The following ZMIZ1 variants were observed in gnomAD, a reference collection of about 807,000 sequenced individuals.
ZMIZ1 encodes the protein zinc finger MIZ-type containing 1.
ZMIZ1 carries 17 observed loss-of-function variants against 113.9 expected under a neutral mutation model. The ratio of observed to expected loss-of-function variants is 0.15; its 90% CI spans 0.10 to 0.22. The LOEUF is 0.22. Among genes scored for constraint, ZMIZ1 ranks in the 10% least tolerant of loss-of-function variants. The probability of loss-of-function intolerance (pLI) is 1.00; values close to 1 mark genes in which losing one functional copy is unlikely to be tolerated. For synonymous variants in ZMIZ1, 607 were observed against 603.1 expected (o/e 1.01, Z -0.09); for missense variants, 1,059 against 1,477.8 (o/e 0.72, Z 4.65).
chr10:79,257,745 G>T (rs1306145216), intron 7 of ZMIZ1, among the ~76,000 whole-genome samples: 2 of 152,220 alleles, frequency 1.3e-5, no homozygotes, highest in African/African-American at 4.8e-5. Flanking sequence ...GTGGAAAGAC[G>T]GGGTTCCAAG....
chr10:79,261,825 C>G (rs1469180973), intron 7 of ZMIZ1, among the ~76,000 whole-genome samples: 1 of 152,144 alleles, frequency 6.6e-6, no homozygotes, highest in Non-Finnish European at 1.5e-5. Flanking sequence ...TTTAGAGCAC[C>G]GAGGTGAGAT....
At chr10:79,252,935 A>G (rs1035847744) in intron 7 of ZMIZ1, among the ~76,000 whole-genome samples, 11 of 152,240 alleles carry the variant, frequency 7.2e-5, no homozygotes, top group African/African-American at 2.7e-4. Flanking sequence ...CAGATAGGCA[A>G]CATATACATG....
chr10:79,159,015 G>A (rs1846006118), intron 3 of ZMIZ1, among the ~76,000 whole-genome samples: 1 of 152,206 alleles, frequency 6.6e-6, no homozygotes, highest in African/African-American at 2.4e-5. Flanking sequence ...CTGCCGTGTG[G>A]TCAGGGTCTC....
At chr10:79,290,555 GC>G (rs371258525) in intron 9 of ZMIZ1, among the ~76,000 whole-genome samples, 53 of 152,298 alleles carry the variant, frequency 3.5e-4, no homozygotes, top group African/African-American at 1.3e-3. Flanking sequence ...GGGCCTTGGG[GC>G]CCCTGTGTGA....
At chr10:79,110,299 C>T (rs980762527) in intron 1 of ZMIZ1, among the ~76,000 whole-genome samples, 1 of 152,200 alleles carries the variant, frequency 6.6e-6, no homozygotes, top group East Asian at 1.9e-4. Flanking sequence ...CTCAAATCAG[C>T]GGTATTTGTT....
chr10:79,171,453 C>A (rs1846596577), intron 4 of ZMIZ1, among the ~76,000 whole-genome samples: 1 of 152,222 alleles, frequency 6.6e-6, no homozygotes, highest in Admixed American at 6.5e-5. Context: ...CACCTTCAGG[C>A]CTCTGCGCAA....
At chr10:79,206,106 C>CAAA (rs79155220) in intron 5 of ZMIZ1, among the ~76,000 whole-genome samples, 2 of 95,110 alleles carry the variant, frequency 2.1e-5, no homozygotes, top group African/African-American at 4.0e-5. Context: ...AGACCCTGTC[C>CAAA]AAAAAAAAAA....
chr10:79,254,428 G>A (rs1850747558), intron 7 of ZMIZ1, among the ~76,000 whole-genome samples: 1 of 152,262 alleles, frequency 6.6e-6, no homozygotes, highest in African/African-American at 2.4e-5. Flanking sequence ...GTTTAGGGAA[G>A]CCCCATAAGC....
chr10:79,204,986 TG>T (rs1848254638), intron 5 of ZMIZ1, among the ~76,000 whole-genome samples: 1 of 151,962 alleles, frequency 6.6e-6, no homozygotes, highest in Non-Finnish European at 1.5e-5. Context: ...GATGGATGGA[TG>T]GATGGATGGA....
intron 7 of ZMIZ1, among the ~76,000 whole-genome samples, chr10:79,218,914 A>C (rs1373196576): frequency 2.0e-5 from 3 of 152,094 alleles, no homozygotes; most frequent in African/African-American, 4.8e-5. Flanking sequence ...TGGAGAGGTC[A>C]GCAGCAGCGG....
rs747660713 is a variant in ZMIZ1 at position 79,305,634 on chromosome 10, G to T, written c.2423+33G>T. 64 of 1,604,856 alleles carry T rather than the reference G, an allele frequency of 4.0e-5. 2 individuals carry two copies. In the South Asian group the frequency reaches 6.7e-4, roughly 17 times the overall value. ...GGGCCCTAGCGAGGGGCAGGGGGTG[G>T]GAGGGGACGAGGCCTGGATTAGAGC... On this transcript the variant is annotated intron_variant, in intron 21 of 24. Coordinates refer to ENST00000334512, the MANE Select transcript of ZMIZ1 (RefSeq NM_020338.4).
chr10:79,091,339 C>A (rs1367786811), intron 1 of ZMIZ1, among the ~76,000 whole-genome samples: 1 of 152,174 alleles, frequency 6.6e-6, no homozygotes, highest in African/African-American at 2.4e-5. Flanking sequence ...AAAGCCAGAG[C>A]CTTGTCTCTT....
At chr10:79,175,242 G>C (rs1212591053) in intron 4 of ZMIZ1, among the ~76,000 whole-genome samples, 1 of 152,198 alleles carries the variant, frequency 6.6e-6, no homozygotes, top group Non-Finnish European at 1.5e-5. Flanking sequence ...GGGTGGGGCA[G>C]CTGCCCCGAG....
chr10:79,221,474 A>G (rs977239777), intron 7 of ZMIZ1, among the ~76,000 whole-genome samples: 2 of 152,192 alleles, frequency 1.3e-5, no homozygotes, highest in African/African-American at 2.4e-5. Flanking sequence ...TCCTCAGTAC[A>G]GAAGGTCACC....
intron 1 of ZMIZ1, among the ~76,000 whole-genome samples, chr10:79,094,288 A>G (rs1340759977): frequency 6.6e-6 from 1 of 152,214 alleles, no homozygotes; most frequent in African/African-American, 2.4e-5. Context: ...CGGGCGACTC[A>G]GAAGGCCACG....
At chr10:79,289,036 G>A (rs780641259) in intron 8 of ZMIZ1, among the ~76,000 whole-genome samples, 3 of 152,172 alleles carry the variant, frequency 2.0e-5, no homozygotes, top group Non-Finnish European at 2.9e-5. Context: ...GGTGGGGTCC[G>A]CCAGAGGAGT....
At chr10:79,283,130 C>G (rs773808586) in intron 8 of ZMIZ1, among the ~76,000 whole-genome samples, 2 of 152,234 alleles carry the variant, frequency 1.3e-5, no homozygotes, top group Non-Finnish European at 2.9e-5. Context: ...AGTCAAAACT[C>G]GCTAGGGCTG....
intron 1 of ZMIZ1, among the ~76,000 whole-genome samples, chr10:79,112,243 C>G (rs1337617444): frequency 6.6e-6 from 1 of 152,206 alleles, no homozygotes; most frequent in African/African-American, 2.4e-5. Context: ...CTTGATTCTG[C>G]TGGTCAGCAG....
At chr10:79,221,329 C>T (rs758045180) in intron 7 of ZMIZ1, among the ~76,000 whole-genome samples, 7 of 152,196 alleles carry the variant, frequency 4.6e-5, no homozygotes, top group Admixed American at 2.0e-4. Flanking sequence ...CACAGGCAGT[C>T]ACTGCAGCAG....
Sources: gnomAD v4.1 joint callset for allele counts (sites outside exome capture counted in the v4.1 genomes callset) on GRCh38, gnomAD v4.1.1 for gene constraint, MANE v1.5 for transcripts, NCBI Gene and HGNC (gene_info 2026-07-23, HGNC 2026-07-21) for gene names.